EIF4E2: variants seen among roughly 807,000 people sequenced by gnomAD.
EIF4E2 encodes the protein eukaryotic translation initiation factor 4E type 2.
EIF4E2 carries 13 observed loss-of-function variants against 34.2 expected under a neutral mutation model. That is an observed-to-expected ratio of 0.38 (90% CI 0.25 to 0.60). EIF4E2 has a LOEUF of 0.60. Among genes scored for constraint, EIF4E2 ranks in the 20% least tolerant of loss-of-function variants. The probability of loss-of-function intolerance (pLI) is 0.62; values close to 1 mark genes in which losing one functional copy is unlikely to be tolerated. For synonymous variants in EIF4E2, 100 were observed against 106.6 expected (o/e 0.94, Z 0.38); for missense variants, 222 against 315.1 (o/e 0.70, Z 2.24).
chr2:232,560,922 G>A (rs1311441993), intron 3 of EIF4E2, among the ~76,000 whole-genome samples: 2 of 152,206 alleles, frequency 1.3e-5, no homozygotes, highest in Admixed American at 6.5e-5. Context: ...ATAAATGCTT[G>A]TTGAATGAAT....
chr2:232,577,962 C>A (rs1308942654), intron 6 of EIF4E2, among the ~76,000 whole-genome samples: 1 of 152,230 alleles, frequency 6.6e-6, no homozygotes, highest in Non-Finnish European at 1.5e-5. Flanking sequence ...CTCCCTTTCT[C>A]TGCCTCCTAA....
intron 3 of EIF4E2, 30 bp from the exon 4 acceptor site, chr2:232,564,216 TG>T: frequency 6.8e-7 from 1 of 1,462,422 alleles, no homozygotes; most frequent in Admixed American, 2.0e-5. Flanking sequence ...AAAAGACACA[TG>T]TTTTTTACTC....
intron 4 of EIF4E2, among the ~76,000 whole-genome samples, chr2:232,564,583 T>G (rs1692847926): frequency 6.6e-6 from 1 of 152,254 alleles, no homozygotes; most frequent in Non-Finnish European, 1.5e-5. Context: ...CCCTAGTAGC[T>G]GGGACTACAG....
chr2:232,576,330 T>C (rs1320467628), intron 6 of EIF4E2, among the ~76,000 whole-genome samples: 1 of 152,140 alleles, frequency 6.6e-6, no homozygotes, highest in African/African-American at 2.4e-5. Flanking sequence ...GCATCTGAGG[T>C]TCAGTGAAAA....
chr2:232,562,370 C>T (rs943562495), intron 3 of EIF4E2, among the ~76,000 whole-genome samples: 2 of 152,148 alleles, frequency 1.3e-5, no homozygotes, highest in Admixed American at 1.3e-4. Context: ...CACCTGAGGT[C>T]AGGAGTTCGA....
intron 3 of EIF4E2, among the ~76,000 whole-genome samples, chr2:232,559,517 G>A (rs1692645364): frequency 6.6e-6 from 1 of 152,026 alleles, no homozygotes; most frequent in Admixed American, 6.6e-5. Flanking sequence ...AACTGCTAAG[G>A]AGGAAGGACA....
rs535497602 is a variant in EIF4E2, at chr2:232,580,830, C to G, written c.666-74C>G. The G allele has an allele frequency of 2.0e-4, 268 of 1,340,740 alleles. 2 individuals carry two copies. The Middle Eastern group carries it at 2.3e-3, about 12-fold the overall frequency. The allele number at this position is 1,340,740 out of a possible 1,614,324, so 83.1% of individuals were successfully genotyped here. A position where few individuals can be genotyped will look rare whatever the true frequency, so the allele number is the denominator to read the frequency against. ...CCCGAGGGCTGATGAGTCAGCATCC[C>G]CCTGTATATGTGTGCTTCTGTATAG... On this transcript the variant is annotated intron_variant, in intron 6 of 6. Coordinates refer to the EIF4E2 transcript ENST00000409098.
intron 6 of EIF4E2, chr2:232,574,352 G>A (rs1286019121): frequency 6.4e-7 from 1 of 1,550,412 alleles, no homozygotes; most frequent in Admixed American, 2.0e-5. Flanking sequence ...GTAGGGCCTT[G>A]TCTATCTTCT....
At chr2:232,551,946 T>C (rs1692349463) in intron 1 of EIF4E2, among the ~76,000 whole-genome samples, 3 of 152,192 alleles carry the variant, frequency 2.0e-5, no homozygotes, top group African/African-American at 7.2e-5. Flanking sequence ...TAACTGAGCC[T>C]GTCCCTCTAC....
intron 1 of EIF4E2, among the ~76,000 whole-genome samples, chr2:232,555,724 T>TA (rs1454920879): frequency 6.6e-6 from 1 of 152,192 alleles, no homozygotes; most frequent in African/African-American, 2.4e-5. Flanking sequence ...ATGGCACCGA[T>TA]ACGGCAACAT....
chr2:232,575,607 C>CT (rs1170157113), intron 6 of EIF4E2, among the ~76,000 whole-genome samples: 1 of 152,048 alleles, frequency 6.6e-6, no homozygotes, highest in African/African-American at 2.4e-5. Flanking sequence ...AAATATATGT[C>CT]TGTGTATGTG....
Position 232,566,731 on chromosome 2 carries a change from TTC to T in EIF4E2, c.376-96_376-95del, listed in dbSNP as rs1692945358. 8 of 1,355,218 alleles carry T rather than the reference TTC, an allele frequency of 5.9e-6. No individual in the cohort carries two copies. Among genetic ancestry groups the T allele is most frequent in the Non-Finnish European group, 7.2e-6 (7 of 975,320 alleles). 83.9% of individuals were successfully genotyped at this position (1,355,218 alleles called of 1,614,324 possible). The stretch of plus-strand genomic sequence containing the variant: ...TTGAATAATTGGAAAGTGATATGAC[TTC>T]TTAGTGTTTAAGAGATTCTTGGCTT... On this transcript the variant is annotated intron_variant, in intron 4 of 6. Transcript: ENST00000258416. The surrounding 1 kb of genome is among the most constrained non-coding windows in gnomAD (Gnocchi z 4.9).
chr2:232,561,063 C>T (rs563902379), intron 3 of EIF4E2, among the ~76,000 whole-genome samples: 27 of 152,190 alleles, frequency 1.8e-4, no homozygotes, highest in South Asian at 1.0e-3. Flanking sequence ...TTAGAGTGCT[C>T]TTGGAGTTTG....
At chr2:232,550,769 G>A in intron 1 of EIF4E2, 25 bp downstream of exon 1, 3 of 1,556,326 alleles carry the variant, frequency 1.9e-6, no homozygotes, top group East Asian at 2.5e-5. Context: ...GCCGCCCCCG[G>A]GGCCCCTTCC....
intron 6 of EIF4E2, among the ~76,000 whole-genome samples, chr2:232,576,202 CA>C (rs34773569): frequency 2.8e-4 from 42 of 147,908 alleles, no homozygotes; most frequent in Admixed American, 1.6e-3. Flanking sequence ...GACTCCATCT[CA>C]AAAAAAAAAA....
chr2:232,564,777 A>G (rs1438005914), intron 4 of EIF4E2, among the ~76,000 whole-genome samples: 1 of 152,198 alleles, frequency 6.6e-6, no homozygotes, highest in African/African-American at 2.4e-5. Flanking sequence ...AAGTCTCTCA[A>G]AACTGCATCA....
chr2:232,581,783 G>T lies in EIF4E2; in HGVS notation c.*840G>T, dbSNP rs1217338091. 8.5e-5 allele frequency: 13 copies of T among 152,494 alleles called. No homozygotes were observed. The highest frequency in any genetic ancestry group is 8.5e-4 in the Admixed American group (13 of 15,304). The allele number at this position is 152,494 out of a possible 1,614,324, so 9.4% of individuals were successfully genotyped here. On this transcript the variant is annotated 3_prime_UTR_variant, in exon 7 of 7. Transcript: ENST00000409098. This position sits in a 1 kb window ranked among gnomAD's most constrained non-coding sequence, Gnocchi z 5.2. The stretch of plus-strand genomic sequence containing the variant: ...TGTGTGTCAGGCCTGTTTCCCATAT[G>T]AGCAGAGCCTGTGTGCAAGTCTGTT...
At chr2:232,574,909 G>A (rs1187043458) in intron 6 of EIF4E2, among the ~76,000 whole-genome samples, 1 of 152,214 alleles carries the variant, frequency 6.6e-6, no homozygotes, top group Non-Finnish European at 1.5e-5. Flanking sequence ...GTAGGGAGAG[G>A]CACTGAGGTA....
intron 3 of EIF4E2, among the ~76,000 whole-genome samples, chr2:232,563,002 C>T (rs565169328): frequency 2.0e-5 from 3 of 152,282 alleles, no homozygotes; most frequent in Non-Finnish European, 2.9e-5. Flanking sequence ...AGCCATTTCA[C>T]GCAGTGTAAG....
Sources: gnomAD v4.1 joint callset for allele counts (sites outside exome capture counted in the v4.1 genomes callset) on GRCh38, gnomAD v4.1.1 for gene constraint, Gnocchi (gnomAD v3.1) non-coding constraint, MANE v1.5 for transcripts, NCBI Gene and HGNC (gene_info 2026-07-23, HGNC 2026-07-21) for gene names.